The following CADM2 variants were observed in gnomAD, a reference collection of about 807,000 sequenced individuals.
The protein encoded by CADM2 is immunoglobulin superfamily member 4D.
CADM2 carries 12 observed loss-of-function variants against 49.8 expected under a neutral mutation model. That is an observed-to-expected ratio of 0.24 (90% CI 0.15 to 0.39). The LOEUF (loss-of-function observed/expected upper bound fraction) is 0.39. Ranked by LOEUF, CADM2 falls within the 10% of genes least tolerant of loss-of-function variation. The pLI, the probability that CADM2 is intolerant of heterozygous loss-of-function variation, is 1.00. For missense variants in CADM2, 378 were observed against 492.3 expected (o/e 0.77, Z 2.20); for synonymous variants, 214 against 175.4 (o/e 1.22, Z -1.74).
intron 8 of CADM2, among the ~76,000 whole-genome samples, chr3:85,979,718 G>A (rs903750811): frequency 2.6e-5 from 4 of 151,524 alleles, no homozygotes; most frequent in African/African-American, 9.7e-5. Context: ...TTTTGAAATT[G>A]TTCTAAAATT....
intron 1 of CADM2, among the ~76,000 whole-genome samples, chr3:85,278,815 T>C (rs537467821): frequency 2.6e-5 from 4 of 151,088 alleles, no homozygotes; most frequent in Non-Finnish European, 5.9e-5. Flanking sequence ...AAATGCTCTA[T>C]AGATAAATAT....
chr3:85,244,971 G>T (rs2042613891), intron 1 of CADM2, among the ~76,000 whole-genome samples: 1 of 152,156 alleles, frequency 6.6e-6, no homozygotes, highest in Admixed American at 6.5e-5. Context: ...TTTTACAAAA[G>T]ACTAAAATGA....
At chr3:85,291,271 A>G (rs2043787586) in intron 1 of CADM2, among the ~76,000 whole-genome samples, 1 of 152,026 alleles carries the variant, frequency 6.6e-6, no homozygotes, top group Non-Finnish European at 1.5e-5. Context: ...AAAGCCTCCA[A>G]GAAATATGGG....
rs531248187 is a variant in CADM2 at position 85,020,787 on chromosome 3, T to G, written c.61+61119T>G. Among the ~76,000 whole-genome samples the G allele has an allele frequency of 1.2e-4, 18 of 146,756 alleles. No homozygotes were observed. In the South Asian group the frequency reaches 1.3e-3, roughly 10 times the overall value. On this transcript the variant is annotated intron_variant, in intron 1 of 9. Transcript: ENST00000383699. The stretch of plus-strand genomic sequence containing the variant: ...GTATGGTGTGTGTGTGTGTAGGGGG[T>G]GTGTGTGTGTGTGTGTCCCTGTGGA...
At chr3:85,063,164 T>C (rs2036398900) in intron 1 of CADM2, among the ~76,000 whole-genome samples, 1 of 152,002 alleles carries the variant, frequency 6.6e-6, no homozygotes, top group Non-Finnish European at 1.5e-5. Flanking sequence ...ATATTTATTT[T>C]ATACCTTCTA....
In CADM2 at chr3:85,016,696, G is replaced by A. The variant is rs182616749; in HGVS notation, c.61+57028G>A. The stretch of plus-strand genomic sequence containing the variant: ...TAATCCCAGCTACTTGGGACGCTGA[G>A]GCAGGAGAATCGCTTGAACCTGGGA... On this transcript the variant is annotated intron_variant, in intron 1 of 9. Coordinates refer to ENST00000383699, the MANE Select transcript of CADM2 (RefSeq NM_001167675.2). 1.1e-4 allele frequency among the ~76,000 whole-genome samples: 16 copies of A among 152,166 alleles called. No homozygotes were observed. The East Asian group carries it at 2.3e-3, about 22-fold the overall frequency.
chr3:85,816,760 C>T (rs755885172), intron 3 of CADM2, among the ~76,000 whole-genome samples: 5 of 151,972 alleles, frequency 3.3e-5, no homozygotes, highest in Non-Finnish European at 7.4e-5. Flanking sequence ...ACACACACAG[C>T]GACTCGCTAA....
intron 8 of CADM2, among the ~76,000 whole-genome samples, chr3:85,964,239 C>T (rs946122498): frequency 2.0e-5 from 3 of 151,708 alleles, no homozygotes; most frequent in Non-Finnish European, 4.4e-5. Context: ...GAACTTTACC[C>T]TTTTATCTTT....
chr3:85,113,182 G>T (rs1006209712), intron 1 of CADM2, among the ~76,000 whole-genome samples: 2 of 151,998 alleles, frequency 1.3e-5, no homozygotes, highest in African/African-American at 4.8e-5. Context: ...TGAATACTTT[G>T]TTACAGACAT....
intron 1 of CADM2, among the ~76,000 whole-genome samples, chr3:85,310,847 G>T (rs1216784064): frequency 6.6e-6 from 1 of 152,086 alleles, no homozygotes; most frequent in East Asian, 1.9e-4. Context: ...GAAAGCTAGA[G>T]AACTTAGCTT....
chr3:85,681,951 C>A (rs1477249195), intron 1 of CADM2, among the ~76,000 whole-genome samples: 1 of 152,120 alleles, frequency 6.6e-6, no homozygotes, highest in Non-Finnish European at 1.5e-5. Flanking sequence ...GCTCAGCATG[C>A]ATTTTGCAAT....
At chr3:85,897,609 A>AT (rs946435826) in intron 5 of CADM2, among the ~76,000 whole-genome samples, 4 of 151,588 alleles carry the variant, frequency 2.6e-5, no homozygotes, top group Non-Finnish European at 2.9e-5. Flanking sequence ...ATATAACTCG[A>AT]TTTTTTTATT....
rs559245494 is a variant in CADM2, at chr3:85,212,191, G to T, written c.61+252523G>T. On this transcript the variant is annotated intron_variant, in intron 1 of 9. Transcript: ENST00000383699. ...TCTTTATAGATAAAGTGTATTTCTT[G>T]TAGGATCATTGGGTTTTGTTTCTTA... Among the ~76,000 whole-genome samples the T allele has an allele frequency of 5.3e-5, 8 of 152,122 alleles. No homozygotes were observed. In the East Asian group the frequency reaches 9.7e-4, roughly 18 times the overall value.
intron 1 of CADM2, among the ~76,000 whole-genome samples, chr3:85,116,272 GACA>G (rs2038634224): frequency 1.3e-5 from 2 of 152,222 alleles, no homozygotes; most frequent in Non-Finnish European, 1.5e-5. Flanking sequence ...GTTGCAGTGA[GACA>G]ACATCACTGC....
intron 2 of CADM2, among the ~76,000 whole-genome samples, chr3:85,797,111 G>T (rs1272406349): frequency 7.5e-6 from 1 of 133,950 alleles, no homozygotes; most frequent in East Asian, 2.2e-4. Context: ...AAAAGAAAAA[G>T]AAAAAAAAAA....
intron 2 of CADM2, among the ~76,000 whole-genome samples, chr3:85,770,420 C>A (rs1197264233): frequency 6.6e-6 from 1 of 151,944 alleles, no homozygotes; most frequent in Non-Finnish European, 1.5e-5. Context: ...CAATCCTGAT[C>A]CTTCCACCTC....
intron 1 of CADM2, among the ~76,000 whole-genome samples, chr3:85,710,839 G>GT (rs1186867973): frequency 1.3e-5 from 2 of 152,066 alleles, no homozygotes; most frequent in African/African-American, 4.8e-5. Context: ...TCTATTTAGA[G>GT]TGCATGATAT....
intron 1 of CADM2, among the ~76,000 whole-genome samples, chr3:85,212,873 TC>T (rs1355966288): frequency 1.7e-3 from 220 of 130,638 alleles, no homozygotes; most frequent in African/African-American, 7.3e-3. Flanking sequence ...TTTCTTTCTT[TC>T]TTTCTTTCTT....
At chr3:86,017,663 G>A (rs570548158) in intron 8 of CADM2, among the ~76,000 whole-genome samples, 11 of 151,216 alleles carry the variant, frequency 7.3e-5, no homozygotes, top group African/African-American at 2.4e-4. Context: ...CAGAAGCAGA[G>A]GCTGCAGTAA....
Sources: gnomAD v4.1 joint callset for allele counts (sites outside exome capture counted in the v4.1 genomes callset) on GRCh38, gnomAD v4.1.1 for gene constraint, MANE v1.5 for transcripts, NCBI Gene and HGNC (gene_info 2026-07-23, HGNC 2026-07-21) for gene names.